The following RALYL variants were observed in gnomAD, a reference collection of about 807,000 sequenced individuals.
RALYL encodes the protein RALY RNA binding protein like.
A neutral mutation model predicts 35.1 loss-of-function variants in RALYL; 29 were observed. The ratio of observed to expected loss-of-function variants is 0.83; its 90% CI spans 0.61 to 1.13. RALYL has a LOEUF of 1.13. Ranked by LOEUF, RALYL falls within the 50% of genes most tolerant of loss-of-function variation. The pLI, the probability that RALYL is intolerant of heterozygous loss-of-function variation, is 0.00. For missense variants in RALYL, 359 were observed against 360.4 expected, an observed-to-expected ratio of 1.00 and a Z score of 0.03; for synonymous variants, 120 against 127.6, an observed-to-expected ratio of 0.94 and a Z score of 0.40.
At chr8:84,468,593 A>T (rs1415552747) in intron 1 of RALYL, among the ~76,000 whole-genome samples, 1 of 147,016 alleles carries the variant, frequency 6.8e-6, no homozygotes, top group East Asian at 2.0e-4. Context: ...CCTTCATTTC[A>T]ACTTTGGTGA....
intron 1 of RALYL, among the ~76,000 whole-genome samples, chr8:84,499,967 G>A (rs1236896001): frequency 1.3e-5 from 2 of 151,944 alleles, no homozygotes; most frequent in African/African-American, 4.8e-5. Flanking sequence ...TGTTGTCTAT[G>A]GCTAGTCTTA....
chr8:84,201,040 T>C (rs567737927), intron 1 of RALYL, among the ~76,000 whole-genome samples: 2 of 152,302 alleles, frequency 1.3e-5, no homozygotes, highest in African/African-American at 2.4e-5. Flanking sequence ...AAGGAGCTGA[T>C]GGTGATAAAT....
chr8:84,404,808 T>C (rs553951774), intron 1 of RALYL, among the ~76,000 whole-genome samples: 22 of 152,276 alleles, frequency 1.4e-4, no homozygotes, highest in African/African-American at 4.8e-4. Context: ...TCCAGAAGTT[T>C]TTTTTGGCTG....
chr8:84,322,827 A>G lies in RALYL; in HGVS notation c.-24+138403A>G, dbSNP rs143086603. Among the ~76,000 whole-genome samples, 1,503 of 152,112 alleles carry G rather than the reference A, an allele frequency of 9.9e-3. 5 individuals are homozygous for G. Among genetic ancestry groups the G allele is most frequent in the East Asian group, 0.019 (97 of 5,164 alleles). On this transcript the variant is annotated intron_variant, in intron 1 of 8. Coordinates refer to ENST00000521268, the MANE Select transcript of RALYL (RefSeq NM_173848.7). ...TTGGCTCTCATATTCCTACCAGTAA[A>G]TCTTGTTTTCCTCTGCAGGTCAAGT...
chr8:84,640,287 A>G (rs1826028499), intron 2 of RALYL, among the ~76,000 whole-genome samples: 1 of 152,048 alleles, frequency 6.6e-6, no homozygotes, highest in African/African-American at 2.4e-5. Flanking sequence ...AAAACCTAAT[A>G]AAGAGTATAG....
intron 8 of RALYL, among the ~76,000 whole-genome samples, chr8:84,897,696 C>T (rs933150483): frequency 3.3e-5 from 5 of 152,232 alleles, no homozygotes; most frequent in African/African-American, 1.2e-4. Flanking sequence ...TTACATATCA[C>T]ATTTTCTTTA....
chr8:84,359,427 A>G (rs563427545), intron 1 of RALYL, among the ~76,000 whole-genome samples: 1 of 152,090 alleles, frequency 6.6e-6, no homozygotes, highest in East Asian at 1.9e-4. Context: ...GTAAGACAAT[A>G]TTCTGTTTAT....
chr8:84,908,197 T>C (rs558667307), intron 8 of RALYL, among the ~76,000 whole-genome samples: 4 of 152,304 alleles, frequency 2.6e-5, no homozygotes, highest in African/African-American at 7.2e-5. Context: ...CAAATACTTA[T>C]CAATTTTTGT....
chr8:84,663,829 C>G (rs1324985092), intron 2 of RALYL, among the ~76,000 whole-genome samples: 13 of 152,056 alleles, frequency 8.5e-5, no homozygotes, highest in Admixed American at 7.2e-4. Context: ...AATTAGCTCC[C>G]ATTTTTCAAT....
chr8:84,659,578 A>C (rs1208684292), intron 2 of RALYL, among the ~76,000 whole-genome samples: 2 of 152,206 alleles, frequency 1.3e-5, no homozygotes, highest in East Asian at 1.9e-4. Flanking sequence ...TTAAGATATC[A>C]GAAGAACTTG....
intron 2 of RALYL, among the ~76,000 whole-genome samples, chr8:84,586,769 T>TA (rs901787811): frequency 4.0e-5 from 6 of 151,228 alleles, no homozygotes; most frequent in East Asian, 1.9e-4. Flanking sequence ...CTTATTAAAT[T>TA]AAAAAAAAAG....
At chr8:84,189,667 G>A (rs903395667) in intron 1 of RALYL, among the ~76,000 whole-genome samples, 10 of 151,044 alleles carry the variant, frequency 6.6e-5, no homozygotes, top group Non-Finnish European at 1.3e-4. Flanking sequence ...CTTAACTGAC[G>A]ACTCATGTTT....
At chr8:84,330,675 C>T (rs917502418) in intron 1 of RALYL, among the ~76,000 whole-genome samples, 1 of 151,960 alleles carries the variant, frequency 6.6e-6, no homozygotes, top group African/African-American at 2.4e-5. Context: ...GCCTGTTATC[C>T]CCTAACTGGC....
At chr8:84,285,620 G>C (rs1376732509) in intron 1 of RALYL, among the ~76,000 whole-genome samples, 1 of 152,094 alleles carries the variant, frequency 6.6e-6, no homozygotes, top group African/African-American at 2.4e-5. Context: ...ATAAAGGTTT[G>C]GAGGAGGTGA....
chr8:84,875,603 A>G (rs1840991339), intron 7 of RALYL, among the ~76,000 whole-genome samples: 1 of 152,106 alleles, frequency 6.6e-6, no homozygotes. Flanking sequence ...TGAATTTGTA[A>G]CTCCATTCTT....
chr8:84,345,161 C>G (rs1849608539), intron 1 of RALYL, among the ~76,000 whole-genome samples: 1 of 150,062 alleles, frequency 6.7e-6, no homozygotes, highest in African/African-American at 2.5e-5. Flanking sequence ...ATTTTACACT[C>G]TCACCAACAG....
intron 3 of RALYL, among the ~76,000 whole-genome samples, chr8:84,782,176 C>G (rs1171331319): frequency 6.6e-6 from 1 of 152,148 alleles, no homozygotes; most frequent in Non-Finnish European, 1.5e-5. Context: ...AATTTATCAT[C>G]CTATAAAATT....
chr8:84,505,273 A>G (rs1172756717), intron 1 of RALYL, among the ~76,000 whole-genome samples: 2 of 152,086 alleles, frequency 1.3e-5, no homozygotes, highest in Non-Finnish European at 2.9e-5. Context: ...TTATGTGACA[A>G]ATTTTTGCCT....
chr8:84,569,942 C>A (rs182108860), intron 2 of RALYL, among the ~76,000 whole-genome samples: 1 of 151,838 alleles, frequency 6.6e-6, no homozygotes, highest in East Asian at 1.9e-4. Context: ...TTCCATTGAT[C>A]TACATGTACA....
Sources: allele counts gnomAD v4.1 joint callset (sites outside exome capture counted in the v4.1 genomes callset), GRCh38; gene constraint gnomAD v4.1.1; transcripts MANE v1.5; gene names NCBI Gene and HGNC (gene_info 2026-07-23, HGNC 2026-07-21).